AGBL1: variants seen among roughly 807,000 people sequenced by gnomAD.
AGBL1 encodes the protein AGBL carboxypeptidase 1.
A neutral mutation model predicts 118.9 loss-of-function variants in AGBL1; 130 were observed. That is an observed-to-expected ratio of 1.09 (90% CI 0.95 to 1.26). AGBL1 has a LOEUF of 1.26. Ranked by LOEUF, AGBL1 falls within the 50% of genes most tolerant of loss-of-function variation. The probability of loss-of-function intolerance (pLI) is 0.00; values close to 1 mark genes in which losing one functional copy is unlikely to be tolerated. For missense variants in AGBL1, 1,584 were observed against 1,298.1 expected, an observed-to-expected ratio of 1.22 and a Z score of -3.38; for synonymous variants, 555 against 478.9, an observed-to-expected ratio of 1.16 and a Z score of -2.08.
chr15:86,626,131 G>A (rs959701313), intron 21 of AGBL1, among the ~76,000 whole-genome samples: 3 of 152,134 alleles, frequency 2.0e-5, no homozygotes, highest in African/African-American at 7.2e-5. Context: ...CAGAAATACC[G>A]TTCGACCCAG....
intron 22 of AGBL1, among the ~76,000 whole-genome samples, chr15:86,793,177 C>A (rs918379033): frequency 6.6e-6 from 1 of 152,128 alleles, no homozygotes; most frequent in Non-Finnish European, 1.5e-5. Flanking sequence ...ATCATTCATC[C>A]ATCTGCCTCC....
intron 6 of AGBL1, among the ~76,000 whole-genome samples, chr15:86,225,543 G>T (rs1268154628): frequency 6.6e-6 from 1 of 152,096 alleles, no homozygotes; most frequent in Admixed American, 6.5e-5. Flanking sequence ...ATAGCTCTGG[G>T]GTTCTGAATA....
chr15:86,566,213 G>C (rs1156983994), intron 21 of AGBL1, among the ~76,000 whole-genome samples: 1 of 152,174 alleles, frequency 6.6e-6, no homozygotes, highest in African/African-American at 2.4e-5. Flanking sequence ...CCCGTCTTCT[G>C]CATCAGTCAC....
chr15:86,906,934 G>A (rs1364852603), intron 22 of AGBL1, among the ~76,000 whole-genome samples, 153 bp from the exon 23 acceptor site: 1 of 152,100 alleles, frequency 6.6e-6, no homozygotes, highest in East Asian at 1.9e-4. Context: ...CCAACCAATT[G>A]AATGTGTTCC....
intron 22 of AGBL1, among the ~76,000 whole-genome samples, chr15:86,729,184 A>G (rs1005848961): frequency 6.6e-6 from 1 of 152,244 alleles, no homozygotes; most frequent in Non-Finnish European, 1.5e-5. Context: ...AAAGAGAACA[A>G]TAGTGATTTT....
chr15:86,671,658 AT>A (rs2085748174), intron 21 of AGBL1, among the ~76,000 whole-genome samples: 1 of 152,158 alleles, frequency 6.6e-6, no homozygotes, highest in African/African-American at 2.4e-5. Flanking sequence ...CCAAAATAAA[AT>A]CTGTTTTATT....
At chr15:86,649,209 G>A (rs1410380303) in intron 21 of AGBL1, among the ~76,000 whole-genome samples, 1 of 152,172 alleles carries the variant, frequency 6.6e-6, no homozygotes, top group East Asian at 1.9e-4. Context: ...AGTAACAGGA[G>A]AAAGGCAGAG....
chr15:86,359,387 C>CTTTTTTTTTTTTTTTTTTTTT (rs56189861), intron 17 of AGBL1, among the ~76,000 whole-genome samples: 2 of 93,808 alleles, frequency 2.1e-5, no homozygotes, highest in Non-Finnish European at 4.2e-5. Context: ...TATTGGTTTT[C>CTTTTTTTTTTTTTTTTTTTTT]TTTTTTTTTT....
chr15:86,716,394 T>G (rs2086639209), intron 22 of AGBL1, among the ~76,000 whole-genome samples: 1 of 152,080 alleles, frequency 6.6e-6, no homozygotes, highest in African/African-American at 2.4e-5. Context: ...TATTTTAACA[T>G]CTCTCCCAGG....
intron 1 of AGBL1, among the ~76,000 whole-genome samples, chr15:86,091,557 T>A (rs769686300): frequency 6.6e-6 from 1 of 152,118 alleles, no homozygotes; most frequent in African/African-American, 2.4e-5. Flanking sequence ...AGGCAGTGAG[T>A]CATAAGTTTT....
intron 21 of AGBL1, among the ~76,000 whole-genome samples, chr15:86,636,877 A>G (rs1011576574): frequency 6.6e-6 from 1 of 150,628 alleles, no homozygotes; most frequent in Admixed American, 6.7e-5. Context: ...CATTCATTAC[A>G]TATTTATCAG....
At chr15:86,131,497 TTA>T (rs1226528062) in intron 1 of AGBL1, among the ~76,000 whole-genome samples, 1 of 152,176 alleles carries the variant, frequency 6.6e-6, no homozygotes, top group African/African-American at 2.4e-5. Flanking sequence ...GTAAGAAAGT[TTA>T]TGTTTGCTTT....
chr15:86,682,941 G>C (rs2085987556), intron 22 of AGBL1, among the ~76,000 whole-genome samples: 1 of 152,092 alleles, frequency 6.6e-6, no homozygotes, highest in Admixed American at 6.6e-5. Context: ...TTTTATAGAG[G>C]CTAATAAGTT....
At chr15:86,606,126 C>CAAAAAAAA (rs10675845) in intron 21 of AGBL1, among the ~76,000 whole-genome samples, 7 of 96,892 alleles carry the variant, frequency 7.2e-5, no homozygotes, top group African/African-American at 1.7e-4. Flanking sequence ...GACTCCATCT[C>CAAAAAAAA]AAAAAAAAAA....
intron 9 of AGBL1, among the ~76,000 whole-genome samples, chr15:86,258,530 C>G (rs1469083902): frequency 6.6e-6 from 1 of 152,084 alleles, no homozygotes; most frequent in Non-Finnish European, 1.5e-5. Flanking sequence ...TCTTTGGTCC[C>G]CCTCCCAAAA....
chr15:86,335,783 G>A (rs1042978546), intron 17 of AGBL1, among the ~76,000 whole-genome samples: 3 of 152,154 alleles, frequency 2.0e-5, no homozygotes, highest in African/African-American at 7.2e-5. Flanking sequence ...AATGAAAGAA[G>A]GGAATAGTTT....
At chr15:86,229,066 T>C (rs1424757386) in intron 6 of AGBL1, among the ~76,000 whole-genome samples, 3 of 152,198 alleles carry the variant, frequency 2.0e-5, no homozygotes, top group Admixed American at 2.0e-4. Flanking sequence ...CTTTATCCTA[T>C]CCAAACACAT....
chr15:86,837,136 A>G (rs2079180555), intron 22 of AGBL1, among the ~76,000 whole-genome samples: 1 of 152,008 alleles, frequency 6.6e-6, no homozygotes, highest in Non-Finnish European at 1.5e-5. Flanking sequence ...AGCGCATTTC[A>G]CAGTCTATAC....
intron 7 of AGBL1, 109 bp downstream of exon 7, chr15:86,247,988 C>T: frequency 7.3e-7 from 1 of 1,367,780 alleles, no homozygotes; most frequent in Non-Finnish European, 1.0e-6. Context: ...CAGTCTATTT[C>T]TTGTTGCCTG....
Sources: gnomAD v4.1 joint callset for allele counts (sites outside exome capture counted in the v4.1 genomes callset) on GRCh38, gnomAD v4.1.1 for gene constraint, MANE v1.5 for transcripts, NCBI Gene and HGNC (gene_info 2026-07-23, HGNC 2026-07-21) for gene names.